CNTNAP2: variants seen among roughly 807,000 people sequenced by gnomAD.
The protein encoded by CNTNAP2 is contactin-associated protein-like 2.
CNTNAP2 carries 98 observed loss-of-function variants against 155.2 expected under a neutral mutation model. That is an observed-to-expected ratio of 0.63 (90% CI 0.54 to 0.75). The LOEUF (loss-of-function observed/expected upper bound fraction) is 0.75, where lower values mean the gene tolerates loss of function less well. CNTNAP2 is among the 30% of genes least tolerant of loss of function. CNTNAP2 has a pLI of 0.00. For synonymous variants in CNTNAP2, 651 were observed against 631.2 expected, an observed-to-expected ratio of 1.03 and a Z score of -0.47; for missense variants, 1,727 against 1,688.1, an observed-to-expected ratio of 1.02 and a Z score of -0.40.
chr7:147,416,935 A>G (rs1312883377), intron 10 of CNTNAP2, among the ~76,000 whole-genome samples: 4 of 152,060 alleles, frequency 2.6e-5, no homozygotes, highest in Non-Finnish European at 1.5e-5. Context: ...CTAAAAATAC[A>G]AAAATTAGCC....
intron 21 of CNTNAP2, among the ~76,000 whole-genome samples, chr7:148,296,437 C>T (rs1232017098): frequency 1.3e-5 from 2 of 148,356 alleles, no homozygotes; most frequent in Non-Finnish European, 3.0e-5. Context: ...GTCCCAGCTA[C>T]TCGGGAGGCT....
intron 3 of CNTNAP2, among the ~76,000 whole-genome samples, chr7:146,889,363 C>T (rs1007111101): frequency 1.3e-5 from 2 of 152,006 alleles, no homozygotes; most frequent in Non-Finnish European, 2.9e-5. Flanking sequence ...GACTTCAGGA[C>T]GGAGGCCAAG....
At chr7:148,249,121 C>A (rs1289318892) in intron 20 of CNTNAP2, among the ~76,000 whole-genome samples, 3 of 152,184 alleles carry the variant, frequency 2.0e-5, no homozygotes, top group Non-Finnish European at 4.4e-5. Flanking sequence ...AACTCCTTTG[C>A]CAGATGCATG....
chr7:147,650,202 CA>C (rs1795429401), intron 13 of CNTNAP2, among the ~76,000 whole-genome samples: 1 of 152,056 alleles, frequency 6.6e-6, no homozygotes, highest in African/African-American at 2.4e-5. Flanking sequence ...CTCCCCTAAA[CA>C]AGATACTGAA....
At chr7:146,250,811 G>T (rs140404317) in intron 1 of CNTNAP2, among the ~76,000 whole-genome samples, 28 of 152,246 alleles carry the variant, frequency 1.8e-4, no homozygotes, top group African/African-American at 6.7e-4. Context: ...AGGAGTCATT[G>T]TATTCATTCT....
intron 21 of CNTNAP2, among the ~76,000 whole-genome samples, chr7:148,305,721 C>G (rs1797479917): frequency 6.6e-6 from 1 of 152,190 alleles, no homozygotes; most frequent in African/African-American, 2.4e-5. Flanking sequence ...TGAGAACCCA[C>G]TCACACTATC....
At chr7:147,814,766 A>C (rs1798239363) in intron 13 of CNTNAP2, among the ~76,000 whole-genome samples, 1 of 152,170 alleles carries the variant, frequency 6.6e-6, no homozygotes, top group African/African-American at 2.4e-5. Flanking sequence ...ATTTGAATAT[A>C]CATGTTCATC....
chr7:146,424,042 A>G (rs1053821703), intron 1 of CNTNAP2, among the ~76,000 whole-genome samples: 3 of 152,142 alleles, frequency 2.0e-5, no homozygotes, highest in Non-Finnish European at 4.4e-5. Flanking sequence ...AGTAACTGTT[A>G]GTTTTTTTCA....
chr7:147,185,630 TA>T (rs549695969), intron 8 of CNTNAP2, among the ~76,000 whole-genome samples: 6 of 152,264 alleles, frequency 3.9e-5, no homozygotes, highest in Admixed American at 6.5e-5. Context: ...GCAACAACTT[TA>T]AAAAACCAAA....
chr7:148,118,329 C>T (rs149218005), intron 16 of CNTNAP2, 41 bp downstream of exon 16: 48 of 1,610,158 alleles, frequency 3.0e-5, no homozygotes, highest in East Asian at 1.1e-4. Context: ...GAGCCACTTT[C>T]GTCACCTCAG....
chr7:146,770,775 A>G (rs1282479845), intron 1 of CNTNAP2, among the ~76,000 whole-genome samples: 1 of 152,174 alleles, frequency 6.6e-6, no homozygotes. Flanking sequence ...ACTCTAAACT[A>G]TATTATGGTT....
intron 1 of CNTNAP2, among the ~76,000 whole-genome samples, chr7:146,441,823 G>C (rs768502288): frequency 6.6e-6 from 1 of 151,404 alleles, no homozygotes; most frequent in South Asian, 2.1e-4. Context: ...ACTAGTTTCT[G>C]CATTATTGTC....
chr7:147,035,198 G>A (rs1235332310), intron 3 of CNTNAP2, among the ~76,000 whole-genome samples: 1 of 152,176 alleles, frequency 6.6e-6, no homozygotes, highest in African/African-American at 2.4e-5. Context: ...TGCTGTCTGA[G>A]CTGAGTCCTA....
At chr7:147,274,852 T>C (rs992717589) in intron 8 of CNTNAP2, among the ~76,000 whole-genome samples, 5 of 152,060 alleles carry the variant, frequency 3.3e-5, no homozygotes, top group Admixed American at 2.6e-4. Context: ...TTTTTGTATA[T>C]AGTGAGAGGT....
chr7:148,226,025 A>G (rs1306408376), intron 19 of CNTNAP2, among the ~76,000 whole-genome samples: 1 of 152,200 alleles, frequency 6.6e-6, no homozygotes, highest in Admixed American at 6.5e-5. Flanking sequence ...AGTCTCCTCA[A>G]TGCCACTGTG....
intron 1 of CNTNAP2, among the ~76,000 whole-genome samples, chr7:146,206,514 G>A (rs1359846999): frequency 6.6e-6 from 1 of 151,858 alleles, no homozygotes; most frequent in African/African-American, 2.4e-5. Flanking sequence ...ACCCAAAAGG[G>A]AGGATAGACA....
chr7:146,440,629 C>T (rs529772540), intron 1 of CNTNAP2, among the ~76,000 whole-genome samples: 3 of 151,458 alleles, frequency 2.0e-5, no homozygotes, highest in Non-Finnish European at 4.4e-5. Flanking sequence ...TTACCTAGCC[C>T]TCCACCAAAA....
At chr7:146,182,733 A>T (rs1404022854) in intron 1 of CNTNAP2, among the ~76,000 whole-genome samples, 3 of 152,092 alleles carry the variant, frequency 2.0e-5, no homozygotes, top group Non-Finnish European at 2.9e-5. Flanking sequence ...ATCTAACTTC[A>T]TTCTGTTTGA....
rs112110923 is a variant in CNTNAP2 at position 147,265,365 on chromosome 7, C to T, written c.1349-34776C>T. Among the ~76,000 whole-genome samples, 370 of 152,236 alleles carry T rather than the reference C, an allele frequency of 2.4e-3. 2 individuals are homozygous for T. Among genetic ancestry groups the T allele is most frequent in the African/African-American group, 8.4e-3 (350 of 41,554 alleles). ...GCTTGGTCCCAAGAGGTAGTTCCTA[C>T]ATTTCAGCACACCAGCTGTGGAAGA... is the stretch of plus-strand genomic sequence containing the variant. On this transcript the variant is annotated intron_variant, in intron 8 of 23. Coordinates refer to ENST00000361727, the MANE Select transcript of CNTNAP2 (RefSeq NM_014141.6).
Sources: gnomAD v4.1 joint callset for allele counts (sites outside exome capture counted in the v4.1 genomes callset) on GRCh38, gnomAD v4.1.1 for gene constraint, MANE v1.5 for transcripts, NCBI Gene and HGNC (gene_info 2026-07-23, HGNC 2026-07-21) for gene names.